DCTN6: variants seen among roughly 807,000 people sequenced by gnomAD.
DCTN6 encodes the protein dynactin subunit 6, also known as dynactin 6.
Under a neutral mutation model 25.8 loss-of-function variants are expected in DCTN6, and 15 were observed. The ratio of observed to expected loss-of-function variants is 0.58; its 90% confidence interval spans 0.39 to 0.89. DCTN6 has a LOEUF of 0.89. Ranked by LOEUF, DCTN6 falls within the 40% of genes least tolerant of loss-of-function variation. DCTN6 has a pLI of 0.00. For missense variants in DCTN6, 198 were observed against 237.6 expected (o/e 0.83, Z 1.09); for synonymous variants, 64 against 78.3 (o/e 0.82, Z 0.96).
intron 2 of DCTN6, among the ~76,000 whole-genome samples, chr8:30,168,805 T>C (rs972441224): frequency 1.3e-5 from 2 of 152,208 alleles, no homozygotes; most frequent in Non-Finnish European, 2.9e-5. Flanking sequence ...CTGACCCCCT[T>C]ATTCAAGGCT....
intron 2 of DCTN6, among the ~76,000 whole-genome samples, chr8:30,166,753 C>T (rs1008536878): frequency 1.3e-5 from 2 of 152,056 alleles, no homozygotes; most frequent in African/African-American, 2.4e-5. Context: ...GGTCCTCCCC[C>T]ATCTTTAACC....
chr8:30,164,735 G>T (rs1803642716), intron 2 of DCTN6, among the ~76,000 whole-genome samples: 1 of 152,226 alleles, frequency 6.6e-6, no homozygotes, highest in Admixed American at 6.5e-5. Context: ...GTGAGTAATG[G>T]AGGGCTGATC....
intron 3 of DCTN6, 115 bp from the exon 4 acceptor site, chr8:30,177,011 G>A: frequency 2.8e-6 from 2 of 703,656 alleles, no homozygotes; most frequent in Non-Finnish European, 4.9e-6. Context: ...ATATAGTCAT[G>A]TCTTTTAAGC....
At chr8:30,175,569 T>C (rs533760878) in intron 3 of DCTN6, among the ~76,000 whole-genome samples, 1,622 of 152,128 alleles carry the variant, frequency 0.011, 35 homozygotes, top group East Asian at 0.057. Context: ...TGAAATGTTA[T>C]TACTCATGCC....
chr8:30,175,511 C>A (rs1195336722), intron 3 of DCTN6, among the ~76,000 whole-genome samples: 2 of 151,924 alleles, frequency 1.3e-5, no homozygotes, highest in African/African-American at 2.4e-5. Context: ...AAGTGCTGTG[C>A]CCACCACCCT....
At chr8:30,164,519 G>A (rs1468499718) in intron 2 of DCTN6, among the ~76,000 whole-genome samples, 3 of 152,196 alleles carry the variant, frequency 2.0e-5, no homozygotes, top group African/African-American at 7.2e-5. Flanking sequence ...GAGCTTCGTG[G>A]AGAGCGTGGG....
chr8:30,175,063 C>G (rs765380098), intron 2 of DCTN6, 22 bp from the exon 3 acceptor site: 24 of 1,609,128 alleles, frequency 1.5e-5, no homozygotes, highest in Non-Finnish European at 1.7e-5. Flanking sequence ...CCAATAATTT[C>G]TTCTCAAACT....
intron 1 of DCTN6, 148 bp downstream of exon 1, chr8:30,156,554 G>A (rs1316652925): frequency 1.1e-6 from 1 of 940,164 alleles, no homozygotes; most frequent in African/African-American, 1.6e-5. Flanking sequence ...CGTCCACTGA[G>A]GGAGGGGGCG....
At chr8:30,159,080 C>A (rs909133378) in intron 1 of DCTN6, among the ~76,000 whole-genome samples, 7 of 152,112 alleles carry the variant, frequency 4.6e-5, no homozygotes, top group African/African-American at 1.7e-4. Context: ...CTGCACCTGG[C>A]CCAGATTGAC....
At chr8:30,176,313 A>C (rs901466371) in intron 3 of DCTN6, among the ~76,000 whole-genome samples, 1 of 151,872 alleles carries the variant, frequency 6.6e-6, no homozygotes, top group African/African-American at 2.4e-5. Flanking sequence ...GCAGATCACG[A>C]GGTCAGGAGT....
rs781603853 is a variant in DCTN6, at chr8:30,180,577, A to G, written c.421A>G (p.Thr141Ala). Residue 141 changes from threonine (T) to alanine (A), a missense_variant, in exon 6 of 7, where the codon ACG becomes GCG. Transcript: ENST00000221114. Reference sequence around the variant, plus strand: ...TACATTTGAAGTCATCCCTGAGAATACGGTGATCTATGGTGCAGACTGCCT... The same window carrying G: ...TACATTTGAAGTCATCCCTGAGAATGCGGTGATCTATGGTGCAGACTGCCT... ...LNTFEVIPEN[T>A]VIYGADCLRR... is the part of the protein sequence containing the mutation. The G allele has an allele frequency of 2.5e-5, 40 of 1,614,030 alleles. No homozygotes were observed. The East Asian group carries it at 8.5e-4, about 34-fold the overall frequency.
intron 1 of DCTN6, among the ~76,000 whole-genome samples, chr8:30,157,884 T>C (rs1474624801): frequency 6.6e-6 from 1 of 152,214 alleles, no homozygotes; most frequent in Non-Finnish European, 1.5e-5. Flanking sequence ...TTTCATAAGC[T>C]AAAGAGGAAC....
chr8:30,157,972 G>C (rs1368420633), intron 1 of DCTN6, among the ~76,000 whole-genome samples: 2 of 152,190 alleles, frequency 1.3e-5, no homozygotes, highest in Admixed American at 6.5e-5. Context: ...TTGTTGACTT[G>C]TTACTTTTAC....
rs1803813364 is a variant in DCTN6, at chr8:30,175,115, G to C, written c.119G>C (p.Arg40Thr). 6.2e-7 allele frequency: 1 copy of C among 1,614,086 alleles called. No individual in the cohort carries two copies. The highest frequency in any genetic ancestry group is 8.5e-7 in the Non-Finnish European group (1 of 1,180,014). ...CGGACAGTGATCCACCCTAAAGCAA[G>C]AATTATTGCGGAAGCCGGGCCAATA... ...GPRTVIHPKA[R>T]IIAEAGPIVI... is the part of the protein sequence containing the mutation. The change falls in exon 3 of 7, where the codon AGA becomes ACA. Residue 40 changes from arginine (R) to threonine (T), a missense_variant. Physicochemically the swap from Arg to Thr is moderately conservative, Grantham distance 71. Coordinates refer to ENST00000221114, the MANE Select transcript of DCTN6 (RefSeq NM_006571.4).
chr8:30,166,213 A>C (rs750876694), intron 2 of DCTN6, among the ~76,000 whole-genome samples: 3 of 150,310 alleles, frequency 2.0e-5, no homozygotes, highest in Non-Finnish European at 4.4e-5. Flanking sequence ...AATTATGTAG[A>C]TTTTCCCTGG....
intron 1 of DCTN6, among the ~76,000 whole-genome samples, chr8:30,159,117 GACC>G (rs1803565624): frequency 6.6e-6 from 1 of 152,116 alleles, no homozygotes; most frequent in African/African-American, 2.4e-5. Flanking sequence ...CACCCAGAAG[GACC>G]ATTGGTAGGA....
intron 1 of DCTN6, among the ~76,000 whole-genome samples, chr8:30,161,153 A>G (rs561587146): frequency 6.6e-6 from 1 of 152,246 alleles, no homozygotes; most frequent in East Asian, 1.9e-4. Context: ...TATAAATGGT[A>G]GTTTTTCCTG....
rs566779274 is a variant in DCTN6, at chr8:30,158,816, C to G, written c.23+2410C>G. On this transcript the variant is annotated intron_variant, in intron 1 of 6. Transcript: ENST00000221114. The stretch of plus-strand genomic sequence containing the variant: ...TTTTTTTTTGAGACGGAGTCTCACT[C>G]TGTTGCCTAGGCTGGAGTGCAGTGG... 2.7e-3 allele frequency among the ~76,000 whole-genome samples: 320 copies of G among 118,646 alleles called. 1 individual carries two copies. The highest frequency in any genetic ancestry group is 9.4e-3 in the African/African-American group (305 of 32,390). The allele number at this position is 118,646 out of a possible 152,430, so 77.8% of individuals were successfully genotyped here.
chr8:30,180,685 A>G, intron 6 of DCTN6, 55 bp downstream of exon 6: 1 of 1,590,172 alleles, frequency 6.3e-7, no homozygotes, highest in Non-Finnish European at 8.6e-7. Context: ...CCAAAATACA[A>G]TGTAATTGTC....
Sources: gnomAD v4.1 joint callset for allele counts (sites outside exome capture counted in the v4.1 genomes callset) on GRCh38, gnomAD v4.1.1 for gene constraint, MANE v1.5 for transcripts, NCBI Gene and HGNC (gene_info 2026-07-23, HGNC 2026-07-21) for gene names.